The following CAMKMT variants were observed in gnomAD, a reference collection of about 807,000 sequenced individuals.
CAMKMT encodes calmodulin-lysine N-methyltransferase, also known as CaM KMT.
CAMKMT carries 53 observed loss-of-function variants against 48.0 expected under a neutral mutation model. The ratio of observed to expected loss-of-function variants is 1.10; its 90% CI spans 0.89 to 1.39. The LOEUF (loss-of-function observed/expected upper bound fraction) is 1.39, where lower values mean the gene tolerates loss of function less well. Ranked by LOEUF, CAMKMT falls within the 40% of genes most tolerant of loss-of-function variation. CAMKMT has a pLI of 0.00. For missense variants in CAMKMT, 428 were observed against 402.7 expected, an observed-to-expected ratio of 1.06 and a Z score of -0.54; for synonymous variants, 165 against 152.3, an observed-to-expected ratio of 1.08 and a Z score of -0.61.
At chr2:44,408,676 G>C (rs971422894) in intron 3 of CAMKMT, among the ~76,000 whole-genome samples, 1 of 152,048 alleles carries the variant, frequency 6.6e-6, no homozygotes, top group African/African-American at 2.4e-5. Flanking sequence ...CCAAGACTCA[G>C]ATATCTAGTA....
chr2:44,753,014 G>A (rs763964997), intron 8 of CAMKMT, among the ~76,000 whole-genome samples: 2 of 152,174 alleles, frequency 1.3e-5, no homozygotes, highest in African/African-American at 4.8e-5. Flanking sequence ...AATAACTGGT[G>A]AAGACAGAGT....
Position 44,618,235 on chromosome 2 carries a change from A to G in CAMKMT, c.377-86048A>G, listed in dbSNP as rs1671997345. On this transcript the variant is annotated intron_variant, in intron 3 of 10. Coordinates refer to ENST00000378494, the MANE Select transcript of CAMKMT (RefSeq NM_024766.5). This position sits in a 1 kb window ranked among gnomAD's most constrained non-coding sequence, Gnocchi z 4.0. ...TAGCTCTCAGATTATTGAGTGACAAACTTTATTGAATTTGACTTAACAGAA... is the reference window on the plus strand; with the variant it reads ...TAGCTCTCAGATTATTGAGTGACAAGCTTTATTGAATTTGACTTAACAGAA... Among the ~76,000 whole-genome samples the G allele has an allele frequency of 6.6e-6, 1 of 152,184 alleles. No homozygotes were observed. Among genetic ancestry groups the G allele is most frequent in the Non-Finnish European group, 1.5e-5 (1 of 68,038 alleles).
intron 3 of CAMKMT, among the ~76,000 whole-genome samples, chr2:44,540,422 AC>A (rs2104853311): frequency 6.6e-6 from 1 of 152,256 alleles, no homozygotes; most frequent in South Asian, 2.1e-4. Context: ...CCTCCAGGGA[AC>A]ATTGATTCTT....
At chr2:44,392,661 C>T (rs1681460248) in intron 3 of CAMKMT, among the ~76,000 whole-genome samples, 1 of 151,886 alleles carries the variant, frequency 6.6e-6, no homozygotes, top group Non-Finnish European at 1.5e-5. Flanking sequence ...CTAAACATTT[C>T]TATTTGATTC....
chr2:44,461,745 G>A (rs1181545058), intron 3 of CAMKMT, among the ~76,000 whole-genome samples: 2 of 152,166 alleles, frequency 1.3e-5, no homozygotes, highest in East Asian at 3.8e-4. Flanking sequence ...TGCTACATAT[G>A]TTTTTCTGGT....
chr2:44,428,970 T>G (rs535698455), intron 3 of CAMKMT, among the ~76,000 whole-genome samples: 3 of 152,300 alleles, frequency 2.0e-5, no homozygotes, highest in Non-Finnish European at 1.5e-5. Context: ...CATTTCTCCA[T>G]GCATTTGGGG....
At chr2:44,442,273 C>G (rs904020426) in intron 3 of CAMKMT, among the ~76,000 whole-genome samples, 2 of 151,958 alleles carry the variant, frequency 1.3e-5, no homozygotes, top group Admixed American at 1.3e-4. Context: ...GGTCAGAAGC[C>G]CAAGAGCAAT....
intron 3 of CAMKMT, among the ~76,000 whole-genome samples, chr2:44,538,625 AG>A (rs1666912275): frequency 6.6e-6 from 1 of 151,852 alleles, no homozygotes; most frequent in African/African-American, 2.4e-5. Context: ...TCAGGAGGAG[AG>A]GTTGGGGTGG....
chr2:44,488,220 C>T (rs568897021), intron 3 of CAMKMT, among the ~76,000 whole-genome samples: 9 of 152,176 alleles, frequency 5.9e-5, no homozygotes, highest in South Asian at 4.2e-4. Flanking sequence ...GTGTGTTGGC[C>T]GGGCGCGGTG....
chr2:44,377,103 C>G (rs957189568), intron 2 of CAMKMT, among the ~76,000 whole-genome samples: 1 of 152,056 alleles, frequency 6.6e-6, no homozygotes, highest in Non-Finnish European at 1.5e-5. Flanking sequence ...ACCTCCCAGG[C>G]TTAAGCAATC....
intron 6 of CAMKMT, among the ~76,000 whole-genome samples, chr2:44,708,199 T>G (rs918666454): frequency 1.4e-5 from 2 of 146,516 alleles, no homozygotes; most frequent in South Asian, 4.4e-4. Context: ...GTGGCAGATA[T>G]GTTTGCTTTG....
At chr2:44,753,982 T>C (rs774245816) in intron 8 of CAMKMT, 73 bp from the exon 9 acceptor site, 13 of 1,055,902 alleles carry the variant, frequency 1.2e-5, no homozygotes, top group Non-Finnish European at 1.2e-5. Context: ...ATTAGCCTTG[T>C]ACTTATCTCC....
At chr2:44,558,743 G>C (rs548190254) in intron 3 of CAMKMT, among the ~76,000 whole-genome samples, 126 of 152,246 alleles carry the variant, frequency 8.3e-4, no homozygotes, top group African/African-American at 2.8e-3. Context: ...AGTACACACA[G>C]ACTCAAAGAT....
chr2:44,753,492 G>A (rs936799453), intron 8 of CAMKMT, among the ~76,000 whole-genome samples: 30 of 152,012 alleles, frequency 2.0e-4, no homozygotes, highest in African/African-American at 7.0e-4. Flanking sequence ...ATCCAAAGTT[G>A]CCATGGTCTC....
chr2:44,759,621 C>A (rs1680528408), intron 9 of CAMKMT, among the ~76,000 whole-genome samples: 1 of 152,138 alleles, frequency 6.6e-6, no homozygotes, highest in Admixed American at 6.5e-5. Context: ...CGACTCCTCA[C>A]CAGTGCTTGG....
At chr2:44,405,965 T>G (rs960746469) in intron 3 of CAMKMT, among the ~76,000 whole-genome samples, 2 of 152,182 alleles carry the variant, frequency 1.3e-5, no homozygotes, top group Non-Finnish European at 2.9e-5. Context: ...CTTTTTGTTA[T>G]GGTAACTGAA....
At chr2:44,418,640 A>G (rs146484501) in intron 3 of CAMKMT, among the ~76,000 whole-genome samples, 538 of 152,310 alleles carry the variant, frequency 3.5e-3, no homozygotes, top group Non-Finnish European at 5.7e-3. Flanking sequence ...CATGATTATT[A>G]TAGCTTCATA....
intron 3 of CAMKMT, among the ~76,000 whole-genome samples, chr2:44,406,911 T>G (rs1461952542): frequency 6.6e-6 from 1 of 152,206 alleles, no homozygotes; most frequent in Non-Finnish European, 1.5e-5. Flanking sequence ...CCCAGCCAAA[T>G]TATTTTTTTA....
In CAMKMT at chr2:44,599,704, A is replaced by T. The variant is rs150826839; in HGVS notation, c.377-104579A>T. Among the ~76,000 whole-genome samples the T allele has an allele frequency of 3.2e-4, 48 of 152,080 alleles. No homozygotes were observed. The East Asian group carries it at 9.1e-3, about 29-fold the overall frequency. On this transcript the variant is annotated intron_variant, in intron 3 of 10. Transcript: ENST00000378494. ...GGAACTTAGGGCTTAGATTCCACAA[A>T]CATTTTTAGCTATTATTTTCTAATC... is the stretch of plus-strand genomic sequence containing the variant.
Sources: allele counts gnomAD v4.1 joint callset (sites outside exome capture counted in the v4.1 genomes callset), GRCh38; gene constraint gnomAD v4.1.1; non-coding constraint Gnocchi (gnomAD v3.1); transcripts MANE v1.5; gene names NCBI Gene and HGNC (gene_info 2026-07-23, HGNC 2026-07-21).